Variants in EHHADH observed in about 807,000 individuals in gnomAD.
The protein encoded by EHHADH is enoyl-CoA hydratase and 3-hydroxyacyl CoA dehydrogenase.
EHHADH carries 48 observed loss-of-function variants against 64.4 expected under a neutral mutation model. The ratio of observed to expected loss-of-function variants is 0.75; its 90% CI spans 0.59 to 0.95. The LOEUF (loss-of-function observed/expected upper bound fraction) is 0.95, where lower values mean the gene tolerates loss of function less well. Among genes scored for constraint, EHHADH ranks in the 40% least tolerant of loss-of-function variants. The pLI is 0.00. For missense variants in EHHADH, 854 were observed against 876.6 expected (o/e 0.97, Z 0.33); for synonymous variants, 308 against 326.7 (o/e 0.94, Z 0.62).
rs1718693630 is a variant in EHHADH at position 185,216,879 on chromosome 3, A to T, written c.568+1257T>A. On this transcript the variant is annotated intron_variant, in intron 5 of 6. Transcript: ENST00000231887. This position sits in a 1 kb window ranked among gnomAD's most constrained non-coding sequence, Gnocchi z 5.3. ...CCCTCTCCATCTTGCTCATTTAAAGATGACAACATCCATAGACTGAAAAGA... is the reference window on the plus strand; with the variant it reads ...CCCTCTCCATCTTGCTCATTTAAAGTTGACAACATCCATAGACTGAAAAGA... 6.6e-6 allele frequency among the ~76,000 whole-genome samples: 1 copy of T among 152,148 alleles called. No homozygotes were observed. The highest frequency in any genetic ancestry group is 1.5e-5 in the Non-Finnish European group (1 of 68,040).
At position 185,216,261 on chromosome 3, in the gene EHHADH, T is replaced by G. The variant is rs1577362686; in HGVS notation, c.568+1875A>C. On this transcript the variant is annotated intron_variant, in intron 5 of 6. Coordinates refer to ENST00000231887, the MANE Select transcript of EHHADH (RefSeq NM_001966.4). The surrounding 1 kb of genome is among the most constrained non-coding windows in gnomAD (Gnocchi z 5.3). ...TCCTAGATCATGAACCTCAACTATT[T>G]CTTGAAGTAACTTAATTCTCAAATC... Among the ~76,000 whole-genome samples, 2 of 152,214 alleles carry G rather than the reference T, an allele frequency of 1.3e-5. No individual in the cohort carries two copies. The highest frequency in any genetic ancestry group is 4.8e-5 in the African/African-American group (2 of 41,452).
intron 3 of EHHADH, among the ~76,000 whole-genome samples, chr3:185,233,708 C>T (rs556359731): frequency 8.8e-4 from 134 of 152,288 alleles, no homozygotes; most frequent in African/African-American, 3.0e-3. Context: ...TGCAGTGGCA[C>T]GATCTCAGCT....
rs186971419 is a variant in EHHADH at position 185,246,382 on chromosome 3, T to G, written c.178+2032A>C. ...CCTTCCTCATCTAACATAAAAGGCT[T>G]CTTCTTCTTCTTTTCTTCTTGCTCA... On this transcript the variant is annotated intron_variant, in intron 2 of 6. Coordinates refer to ENST00000231887, the MANE Select transcript of EHHADH (RefSeq NM_001966.4). 1.3e-5 allele frequency: 8 copies of G among 619,088 alleles called. No individual in the cohort carries two copies. In the African/African-American group the frequency reaches 1.3e-4, roughly 10 times the overall value. The allele number at this position is 619,088 out of a possible 1,614,324, so 38.3% of individuals were successfully genotyped here.
chr3:185,210,774 C>CT (rs1388175515), intron 5 of EHHADH, among the ~76,000 whole-genome samples: 1 of 152,044 alleles, frequency 6.6e-6, no homozygotes, highest in Non-Finnish European at 1.5e-5. Context: ...TCAAGGACAG[C>CT]TGCAGTTCCT....
chr3:185,208,752 G>C (rs1279380831), intron 5 of EHHADH, among the ~76,000 whole-genome samples: 1 of 152,142 alleles, frequency 6.6e-6, no homozygotes, highest in Non-Finnish European at 1.5e-5. Context: ...ATTTATAATA[G>C]CAAAATCTGG....
chr3:185,226,617 C>G (rs1482468551), intron 4 of EHHADH, among the ~76,000 whole-genome samples: 2 of 149,682 alleles, frequency 1.3e-5, no homozygotes, highest in African/African-American at 5.0e-5. Context: ...CCACTGCACT[C>G]CAGCCTGGGT....
At chr3:185,242,969 C>T (rs550999617) in intron 2 of EHHADH, among the ~76,000 whole-genome samples, 6 of 152,228 alleles carry the variant, frequency 3.9e-5, no homozygotes, top group Non-Finnish European at 5.9e-5. Context: ...GCCACCCTCT[C>T]GAAGGATCTC....
intron 2 of EHHADH, chr3:185,245,748 T>A (rs953680964): frequency 1.4e-6 from 1 of 704,278 alleles, no homozygotes. Flanking sequence ...AAAATGCAAG[T>A]GTGCTGACAA....
At chr3:185,239,218 G>C (rs1577374278) in intron 2 of EHHADH, among the ~76,000 whole-genome samples, 1 of 152,090 alleles carries the variant, frequency 6.6e-6, no homozygotes, top group African/African-American at 2.4e-5. Context: ...CAGGTAATGT[G>C]TTGCCCCCAG....
intron 1 of EHHADH, 167 bp downstream of exon 1, chr3:185,253,782 G>GAAAAA (rs1459906021): frequency 2.4e-6 from 3 of 1,273,618 alleles, no homozygotes; most frequent in East Asian, 2.8e-5. Context: ...AAAAAGAAAA[G>GAAAAA]AAAAAGAAAG....
chr3:185,245,754 G>A, intron 2 of EHHADH: 3 of 707,744 alleles, frequency 4.2e-6, no homozygotes, highest in Non-Finnish European at 7.7e-6. Context: ...CAAGTGTGCT[G>A]ACAATATAAT....
rs1490884281 is a variant in EHHADH, at chr3:185,192,381, G to C, written c.2017C>G (p.Pro673Ala). ...PMFYASTVGLPTVLEKLQKYY... is the reference protein window; with the variant it reads ...PMFYASTVGLATVLEKLQKYY... ...TTCTGCAATTTCTCTAGAACTGTGG[G>C]CAACCCAACTGTGGAAGCATAGAAC... is the stretch of plus-strand genomic sequence containing the variant. Residue 673 changes from proline (P) to alanine (A), a missense_variant, in exon 7 of 7, where the codon CCC (proline) becomes GCC (alanine). Transcript: ENST00000231887. 6.2e-7 allele frequency: 1 copy of C among 1,614,176 alleles called. No individual in the cohort carries two copies.
chr3:185,201,610 A>T (rs1479404209), intron 6 of EHHADH, among the ~76,000 whole-genome samples: 1 of 152,174 alleles, frequency 6.6e-6, no homozygotes, highest in African/African-American at 2.4e-5. Flanking sequence ...CGAAGATGAA[A>T]CGCATGGCAG....
chr3:185,227,453 A>T (rs560637810), intron 4 of EHHADH, among the ~76,000 whole-genome samples: 1 of 151,744 alleles, frequency 6.6e-6, no homozygotes, highest in East Asian at 1.9e-4. Flanking sequence ...AATTGCGTGA[A>T]CTCAGGAGGC....
At chr3:185,205,058 A>C (rs996803355) in intron 5 of EHHADH, among the ~76,000 whole-genome samples, 7 of 151,844 alleles carry the variant, frequency 4.6e-5, no homozygotes, top group Admixed American at 2.0e-4. Context: ...ATGATTAATT[A>C]ATTAAATTAA....
intron 6 of EHHADH, among the ~76,000 whole-genome samples, chr3:185,194,531 G>T (rs922956984): frequency 6.6e-6 from 1 of 151,884 alleles, no homozygotes; most frequent in African/African-American, 2.4e-5. Context: ...AGAATCACTT[G>T]AACCCAGGTG....
chr3:185,244,036 T>G (rs1719525408), intron 2 of EHHADH, among the ~76,000 whole-genome samples: 2 of 152,200 alleles, frequency 1.3e-5, no homozygotes, highest in South Asian at 4.1e-4. Flanking sequence ...GTTGTCCATT[T>G]TGGGATGCAT....
chr3:185,227,916 C>T (rs572825752), intron 4 of EHHADH, among the ~76,000 whole-genome samples: 8 of 151,910 alleles, frequency 5.3e-5, no homozygotes, highest in Admixed American at 2.0e-4. Context: ...GGACATTGTA[C>T]GCAGTAACTT....
intron 5 of EHHADH, among the ~76,000 whole-genome samples, chr3:185,213,569 C>T (rs1299279783): frequency 6.6e-6 from 1 of 152,084 alleles, no homozygotes; most frequent in East Asian, 1.9e-4. Context: ...TAAATGACCA[C>T]ACACTAACCA....
Sources: allele counts gnomAD v4.1 joint callset (sites outside exome capture counted in the v4.1 genomes callset), GRCh38; gene constraint gnomAD v4.1.1; non-coding constraint Gnocchi (gnomAD v3.1); transcripts MANE v1.5; gene names NCBI Gene and HGNC (gene_info 2026-07-23, HGNC 2026-07-21).